PRORP: variants seen among roughly 807,000 people sequenced by gnomAD.
PRORP encodes protein only RNase P catalytic subunit.
A neutral mutation model predicts 59.4 loss-of-function variants in PRORP; 51 were observed. That is an observed-to-expected ratio of 0.86 (90% CI 0.69 to 1.08). The LOEUF is 1.08. Ranked by LOEUF, PRORP falls within the 50% of genes least tolerant of loss-of-function variation. The pLI is 0.00. For synonymous variants in PRORP, 231 were observed against 245.6 expected (o/e 0.94, Z 0.55); for missense variants, 646 against 690.3 (o/e 0.94, Z 0.72).
chr14:35,218,535 TTTTTTTG>T (rs1377170881), intron 5 of PRORP, among the ~76,000 whole-genome samples: 14 of 49,496 alleles, frequency 2.8e-4, no homozygotes, highest in African/African-American at 1.2e-3. Context: ...TTTTTTTTTT[TTTTTTTG>T]TTGAGACAGA....
At chr14:35,261,872 C>T (rs2050913866) in intron 5 of PRORP, among the ~76,000 whole-genome samples, 1 of 152,172 alleles carries the variant, frequency 6.6e-6, no homozygotes. Flanking sequence ...ATGCTGCACA[C>T]TCATCTTTTT....
In PRORP at chr14:35,180,650, G is replaced by A. The variant is rs2048581038; in HGVS notation, c.1168-20G>A. ...CTTACTGAGTTCTTATTAATGTTTT[G>A]TCTGACATTTCTTTATTAGGAACTT... is the stretch of plus-strand genomic sequence containing the variant. On this transcript the variant is annotated intron_variant, in intron 4 of 7. Transcript: ENST00000534898. 6.9e-7 allele frequency: 1 copy of A among 1,457,996 alleles called. No individual in the cohort carries two copies. The highest frequency in any genetic ancestry group is 9.6e-7 in the Non-Finnish European group (1 of 1,042,106). 90.3% of individuals were successfully genotyped at this position (1,457,996 alleles called of 1,614,324 possible). A position where few individuals can be genotyped will look rare whatever the true frequency, so the allele number is the denominator to read the frequency against.
chr14:35,227,420 G>C (rs1018618688), intron 5 of PRORP, among the ~76,000 whole-genome samples: 1 of 151,870 alleles, frequency 6.6e-6, no homozygotes, highest in Non-Finnish European at 1.5e-5. Context: ...CTCCAGCCTG[G>C]GTGACAGAGC....
intron 5 of PRORP, among the ~76,000 whole-genome samples, chr14:35,187,903 T>C (rs1595268750): frequency 6.6e-6 from 1 of 150,804 alleles, no homozygotes; most frequent in African/African-American, 2.4e-5. Context: ...GCTGGAGTGG[T>C]GCAGTGGTGC....
chr14:35,208,947 C>T (rs2049364507), intron 5 of PRORP, among the ~76,000 whole-genome samples: 1 of 134,272 alleles, frequency 7.4e-6, no homozygotes, highest in Admixed American at 7.5e-5. Context: ...GAGGCAATCA[C>T]TTGAACTTGG....
chr14:35,173,077 G>A (rs111581268), intron 4 of PRORP, among the ~76,000 whole-genome samples: 27,996 of 151,608 alleles, frequency 0.18, 2,831 homozygotes, highest in Admixed American at 0.27. Context: ...CATGTTGGCC[G>A]GGCTGGTCTT....
intron 4 of PRORP, among the ~76,000 whole-genome samples, chr14:35,135,957 CAAAA>C (rs112374315): frequency 2.2e-5 from 2 of 91,700 alleles, no homozygotes; most frequent in African/African-American, 4.1e-5. Context: ...GACTCTGTCT[CAAAA>C]AAAAAAAAAA....
intron 5 of PRORP, among the ~76,000 whole-genome samples, chr14:35,251,429 C>T (rs1158030647): frequency 6.6e-6 from 1 of 152,074 alleles, no homozygotes; most frequent in Non-Finnish European, 1.5e-5. Context: ...CTTCTTTATC[C>T]TGTAAATGAG....
chr14:35,158,969 G>T, intron 4 of PRORP: 2 of 345,134 alleles, frequency 5.8e-6, no homozygotes, highest in South Asian at 2.7e-5. Context: ...CTGGATACTT[G>T]ATTTGGGAGA....
At chr14:35,138,248 A>G (rs943329611) in intron 4 of PRORP, among the ~76,000 whole-genome samples, 1 of 145,266 alleles carries the variant, frequency 6.9e-6, no homozygotes, top group Non-Finnish European at 1.5e-5. Flanking sequence ...ACCTTATTTT[A>G]CCTTAATTAC....
In PRORP at chr14:35,190,290, C is replaced by T. The variant is rs541614737; in HGVS notation, c.1275+9513C>T. 6.6e-5 allele frequency among the ~76,000 whole-genome samples: 10 copies of T among 150,830 alleles called. 1 individual carries two copies. The South Asian group carries it at 1.5e-3, about 22-fold the overall frequency. On this transcript the variant is annotated intron_variant, in intron 5 of 7. Transcript: ENST00000534898. Reference sequence around the variant, plus strand: ...GTGCATGCCTGTAATCCCAGCTACTCGGGAGGCTGAGGCAGGAGAATCGCT... The same window carrying T: ...GTGCATGCCTGTAATCCCAGCTACTTGGGAGGCTGAGGCAGGAGAATCGCT...
At chr14:35,247,601 T>C (rs1359116516) in intron 5 of PRORP, among the ~76,000 whole-genome samples, 1 of 152,194 alleles carries the variant, frequency 6.6e-6, no homozygotes, top group Non-Finnish European at 1.5e-5. Context: ...ACAGTATTCA[T>C]ATACTTTCCC....
chr14:35,171,001 C>T (rs540099768), intron 4 of PRORP, among the ~76,000 whole-genome samples: 1 of 152,098 alleles, frequency 6.6e-6, no homozygotes, highest in Non-Finnish European at 1.5e-5. Flanking sequence ...AGGCGTGTGC[C>T]ACCACACCCA....
intron 4 of PRORP, among the ~76,000 whole-genome samples, chr14:35,131,282 T>G (rs1287189402): frequency 6.6e-6 from 1 of 152,138 alleles, no homozygotes. Flanking sequence ...TAGCATTTAT[T>G]GTAGGATAGG....
intron 4 of PRORP, among the ~76,000 whole-genome samples, chr14:35,165,392 A>G (rs574516181): frequency 5.9e-5 from 9 of 152,146 alleles, no homozygotes; most frequent in East Asian, 1.9e-4. Context: ...TAACTTTTCT[A>G]TGCTTTATTC....
intron 5 of PRORP, among the ~76,000 whole-genome samples, chr14:35,192,741 C>T (rs1360684449): frequency 6.6e-6 from 1 of 152,092 alleles, no homozygotes; most frequent in African/African-American, 2.4e-5. Flanking sequence ...GTACTGTAAT[C>T]CCAGCACTTT....
chr14:35,137,733 A>G (rs902118662), intron 4 of PRORP, among the ~76,000 whole-genome samples: 1 of 145,154 alleles, frequency 6.9e-6, no homozygotes, highest in Admixed American at 7.2e-5. Context: ...GCGTTGGTCC[A>G]GAGTTTGGGT....
chr14:35,262,532 T>G, intron 5 of PRORP: 1 of 634,910 alleles, frequency 1.6e-6, no homozygotes, highest in Non-Finnish European at 2.9e-6. Context: ...GGACACACAG[T>G]TACTGTGAAA....
chr14:35,183,470 C>T (rs145569133), intron 5 of PRORP, among the ~76,000 whole-genome samples: 1 of 151,884 alleles, frequency 6.6e-6, no homozygotes, highest in Admixed American at 6.6e-5. Flanking sequence ...TGTGGATGTA[C>T]AATAATTTTT....
Sources: gnomAD v4.1 joint callset for allele counts (sites outside exome capture counted in the v4.1 genomes callset) on GRCh38, gnomAD v4.1.1 for gene constraint, MANE v1.5 for transcripts, NCBI Gene and HGNC (gene_info 2026-07-23, HGNC 2026-07-21) for gene names.